KANSL1: variants seen among roughly 807,000 people sequenced by gnomAD.
KANSL1 encodes the protein KAT8 regulatory NSL complex subunit 1, also known as MLL1/MLL complex subunit KANSL1.
Under a neutral mutation model 103.6 loss-of-function variants are expected in KANSL1, and 22 were observed. The observed-to-expected ratio is 0.21, with a 90% CI of 0.15 to 0.30. The LOEUF (loss-of-function observed/expected upper bound fraction) is 0.30, where lower values mean the gene tolerates loss of function less well. Among genes scored for constraint, KANSL1 ranks in the 10% least tolerant of loss-of-function variants. The pLI is 1.00. For synonymous variants in KANSL1, 600 were observed against 527.6 expected, an observed-to-expected ratio of 1.14 and a Z score of -1.88; for missense variants, 1,337 against 1,399.8, an observed-to-expected ratio of 0.96 and a Z score of 0.72.
At chr17:46,081,176 T>C (rs2078976611) in intron 4 of KANSL1, among the ~76,000 whole-genome samples, 2 of 152,286 alleles carry the variant, frequency 1.3e-5, no homozygotes, top group African/African-American at 4.8e-5. Context: ...AGAGAAAACA[T>C]GACTACAGGG....
intron 4 of KANSL1, among the ~76,000 whole-genome samples, chr17:46,078,788 G>C (rs2078881743): frequency 6.6e-6 from 1 of 152,184 alleles, no homozygotes; most frequent in Non-Finnish European, 1.5e-5. Context: ...GAATGAGAAG[G>C]TGGGGAAGAT....
chr17:46,121,297 G>C (rs2043269434), intron 2 of KANSL1: 1 of 152,188 alleles, frequency 6.6e-6, no homozygotes, highest in South Asian at 2.1e-4. Context: ...AGGCCTACTA[G>C]GTTCCACACA....
At chr17:46,073,589 C>T (rs576732910) in intron 4 of KANSL1, among the ~76,000 whole-genome samples, 2 of 152,126 alleles carry the variant, frequency 1.3e-5, no homozygotes, top group East Asian at 3.9e-4. Context: ...GAATGTATAG[C>T]TTTTTTAGAA....
chr17:46,153,519 C>T (rs971781183), intron 2 of KANSL1, among the ~76,000 whole-genome samples: 3 of 152,190 alleles, frequency 2.0e-5, no homozygotes, highest in African/African-American at 7.2e-5. Context: ...ATACAAAACC[C>T]CACTGGCTGT....
At chr17:46,179,359 A>C (rs933582663) in intron 1 of KANSL1, among the ~76,000 whole-genome samples, 1 of 152,230 alleles carries the variant, frequency 6.6e-6, no homozygotes, top group African/African-American at 2.4e-5. Context: ...GACTCCAGAT[A>C]CACAAGAATA....
intron 7 of KANSL1, among the ~76,000 whole-genome samples, chr17:46,047,464 G>A (rs1300346125): frequency 6.6e-6 from 1 of 152,184 alleles, no homozygotes; most frequent in Non-Finnish European, 1.5e-5. Context: ...GGCCTGCAAA[G>A]CCTAAGATAT....
At chr17:46,178,019 T>C (rs961899505) in intron 1 of KANSL1, among the ~76,000 whole-genome samples, 4 of 152,140 alleles carry the variant, frequency 2.6e-5, no homozygotes, top group Non-Finnish European at 5.9e-5. Flanking sequence ...CCTCGTGATC[T>C]GCCCACCTTG....
chr17:46,039,248 T>C (rs772188339), intron 8 of KANSL1, 33 bp from the exon 9 acceptor site: 1 of 1,519,900 alleles, frequency 6.6e-7, no homozygotes, highest in Non-Finnish European at 8.8e-7. Context: ...AGCTGTGAAA[T>C]ATGTCCTCTC....
intron 2 of KANSL1, among the ~76,000 whole-genome samples, chr17:46,139,665 C>T (rs916730522): frequency 6.6e-6 from 1 of 152,204 alleles, no homozygotes; most frequent in Non-Finnish European, 1.5e-5. Flanking sequence ...ACTCCTGTTG[C>T]CTAACTGTAA....
chr17:46,106,505 G>A lies in KANSL1; in HGVS notation c.1290-11804C>T, dbSNP rs1027480372. 3.3e-5 allele frequency among the ~76,000 whole-genome samples: 5 copies of A among 152,294 alleles called. No individual in the cohort carries two copies. In the East Asian group the frequency reaches 7.7e-4, roughly 23 times the overall value. ...CCTCACGGGTTCAAGCAATTCTCCT[G>A]CCTCAGCCTCCCGAGTAGCTGGGAT... On this transcript the variant is annotated intron_variant, in intron 2 of 14. Coordinates refer to ENST00000432791, the MANE Select transcript of KANSL1 (RefSeq NM_015443.4).
chr17:46,086,516 C>T (rs1421693575), intron 3 of KANSL1, among the ~76,000 whole-genome samples: 1 of 152,194 alleles, frequency 6.6e-6, no homozygotes, highest in Non-Finnish European at 1.5e-5. Flanking sequence ...TATCCCTCTC[C>T]CCTAACCCAT....
At chr17:46,182,832 C>T (rs2046852758) in intron 1 of KANSL1, among the ~76,000 whole-genome samples, 1 of 152,246 alleles carries the variant, frequency 6.6e-6, no homozygotes. Context: ...TTAACTACTA[C>T]ACTAGATAGT....
intron 1 of KANSL1, among the ~76,000 whole-genome samples, chr17:46,205,154 A>T (rs1438283528): frequency 8.7e-6 from 1 of 115,538 alleles, no homozygotes; most frequent in Non-Finnish European, 2.3e-5. Flanking sequence ...ACTCAGGCTT[A>T]AAAAAAAGAA....
At chr17:46,193,766 G>A (rs924648820), upstream of KANSL1, 2 of 177,242 alleles carry the variant, frequency 1.1e-5, no homozygotes, top group Non-Finnish European at 2.5e-5. Flanking sequence ...CACTGACGCC[G>A]TCACATGCCC....
chr17:46,137,362 A>G (rs2044198416), intron 2 of KANSL1, among the ~76,000 whole-genome samples: 1 of 152,242 alleles, frequency 6.6e-6, no homozygotes, highest in Non-Finnish European at 1.5e-5. Context: ...CTACTTTTAG[A>G]GTGCATACCT....
chr17:46,091,849 C>T (rs1254992159), intron 3 of KANSL1, among the ~76,000 whole-genome samples: 1 of 121,520 alleles, frequency 8.2e-6, no homozygotes, highest in East Asian at 1.9e-4. Flanking sequence ...CAGAGACTCG[C>T]TCTGCTTTGC....
intron 2 of KANSL1, among the ~76,000 whole-genome samples, chr17:46,161,175 G>A (rs1255353945): frequency 6.6e-6 from 1 of 151,120 alleles, no homozygotes; most frequent in Non-Finnish European, 1.5e-5. Flanking sequence ...AGCACTTTGG[G>A]AGGCCGAGGT....
chr17:46,197,795 T>G (rs973785357), upstream of KANSL1, among the ~76,000 whole-genome samples: 1 of 151,178 alleles, frequency 6.6e-6, no homozygotes, highest in African/African-American at 2.4e-5. Context: ...TGTTCTAATT[T>G]AAGATCTGTA....
chr17:46,224,923 G>C (rs1389761761), upstream of KANSL1: 1 of 151,764 alleles, frequency 6.6e-6, no homozygotes, highest in Non-Finnish European at 1.5e-5. Context: ...CGCTTCAGGA[G>C]GGGCGCCCCG....
Sources: gnomAD v4.1 joint callset for allele counts (sites outside exome capture counted in the v4.1 genomes callset) on GRCh38, gnomAD v4.1.1 for gene constraint, MANE v1.5 for transcripts, NCBI Gene and HGNC (gene_info 2026-07-23, HGNC 2026-07-21) for gene names.